The following TMOD3 variants were observed in gnomAD, a reference collection of about 807,000 sequenced individuals.
TMOD3 encodes tropomodulin 3.
In TMOD3, 20 loss-of-function variants were observed where a neutral mutation model predicts 39.2. The observed-to-expected ratio is 0.51, with a 90% CI of 0.36 to 0.74. The LOEUF (loss-of-function observed/expected upper bound fraction) is 0.74. Ranked by LOEUF, TMOD3 falls within the 30% of genes least tolerant of loss-of-function variation. TMOD3 has a pLI of 0.00. For synonymous variants in TMOD3, 143 were observed against 145.8 expected, an observed-to-expected ratio of 0.98 and a Z score of 0.14; for missense variants, 381 against 412.8, an observed-to-expected ratio of 0.92 and a Z score of 0.67.
chr15:51,851,954 G>C (rs1449934986), intron 1 of TMOD3, among the ~76,000 whole-genome samples: 1 of 152,110 alleles, frequency 6.6e-6, no homozygotes, highest in African/African-American at 2.4e-5. Flanking sequence ...TTTCAGAACA[G>C]TCCTTCTGAA....
chr15:51,862,703 A>G (rs2056425175), intron 1 of TMOD3, 108 bp from the exon 2 acceptor site: 3 of 419,832 alleles, frequency 7.1e-6, no homozygotes, highest in Non-Finnish European at 1.2e-5. Context: ...ATATGTGATC[A>G]AAGAATATAT....
chr15:51,856,402 C>T (rs1384717952), intron 1 of TMOD3, among the ~76,000 whole-genome samples: 1 of 152,142 alleles, frequency 6.6e-6, no homozygotes, highest in East Asian at 1.9e-4. Flanking sequence ...TGCCTCATGG[C>T]AAAATTCTAT....
At chr15:51,865,737 T>G (rs1270176218) in intron 2 of TMOD3, among the ~76,000 whole-genome samples, 3 of 152,146 alleles carry the variant, frequency 2.0e-5, no homozygotes, top group Admixed American at 2.0e-4. Context: ...TCAAGGGTAG[T>G]AGCAGCTACT....
chr15:51,857,641 ATAAT>A (rs1257070267), intron 1 of TMOD3, among the ~76,000 whole-genome samples: 1 of 152,222 alleles, frequency 6.6e-6, no homozygotes, highest in African/African-American at 2.4e-5. Context: ...GATGCATAAA[ATAAT>A]TAAACTTATA....
rs540120253 is a variant in TMOD3, at chr15:51,891,829, C to CA, written c.497-1985dup. On this transcript the variant is annotated intron_variant, in intron 5 of 9. Coordinates refer to ENST00000308580, the MANE Select transcript of TMOD3 (RefSeq NM_014547.5). ...CACTCTCTGTTGTTTAGCAGAGCTC[C>CA]ATTAGGAAGCTTTTCCTTGTCTTGA... 2.4e-4 allele frequency among the ~76,000 whole-genome samples: 37 copies of CA among 152,292 alleles called. No individual in the cohort carries two copies. In the East Asian group the frequency reaches 5.0e-3, roughly 21 times the overall value.
At chr15:51,838,424 A>G (rs866904626) in intron 1 of TMOD3, among the ~76,000 whole-genome samples, 3 of 152,138 alleles carry the variant, frequency 2.0e-5, no homozygotes, top group Middle Eastern at 3.2e-3. Context: ...CACTTAAGCT[A>G]TCTTGCTAGA....
chr15:51,889,045 T>A lies in TMOD3; in HGVS notation c.407-11T>A, dbSNP rs751267409. On this transcript the variant is annotated splice_polypyrimidine_tract_variant and intron_variant, in intron 4 of 9. Coordinates refer to ENST00000308580, the MANE Select transcript of TMOD3 (RefSeq NM_014547.5). ...TAAAACAATAAAAACTTTCTTTTTC[T>A]GTATTTATAGCAATTCTTGGGATGC... 5.8e-6 allele frequency: 9 copies of A among 1,542,220 alleles called. No homozygotes were observed. The highest frequency in any genetic ancestry group is 7.9e-6 in the Non-Finnish European group (9 of 1,140,068).
At chr15:51,886,997 T>C (rs2623260) in intron 3 of TMOD3, among the ~76,000 whole-genome samples, 7,424 of 152,126 alleles carry the variant, frequency 0.049, 419 homozygotes, top group African/African-American at 0.12. Flanking sequence ...GGCGAGTGGA[T>C]CACCTTAGGT....
At chr15:51,830,419 C>T (rs1235720561) in intron 1 of TMOD3, among the ~76,000 whole-genome samples, 2 of 152,180 alleles carry the variant, frequency 1.3e-5, no homozygotes, top group Non-Finnish European at 2.9e-5. Context: ...GTTTTGAGGA[C>T]GTGACTGTGT....
chr15:51,859,528 C>G (rs1244170099), intron 1 of TMOD3: 1 of 628,426 alleles, frequency 1.6e-6, no homozygotes, highest in African/African-American at 1.8e-5. Flanking sequence ...TGTTGATAAG[C>G]CCAATCCAGG....
chr15:51,862,710 A>T, intron 1 of TMOD3, 101 bp from the exon 2 acceptor site: 2 of 469,458 alleles, frequency 4.3e-6, no homozygotes, highest in South Asian at 8.5e-5. Context: ...ATCAAAGAAT[A>T]TATGACACAT....
chr15:51,880,536 T>A (rs1405382119), intron 3 of TMOD3, among the ~76,000 whole-genome samples: 1 of 152,156 alleles, frequency 6.6e-6, no homozygotes, highest in African/African-American at 2.4e-5. Flanking sequence ...TAAGCAACTT[T>A]CTTTCTGGAT....
At chr15:51,893,111 C>G (rs1232583860) in intron 5 of TMOD3, among the ~76,000 whole-genome samples, 1 of 151,006 alleles carries the variant, frequency 6.6e-6, no homozygotes, top group African/African-American at 2.4e-5. Context: ...ACCTGGCCAA[C>G]ATGACGAAAC....
intron 1 of TMOD3, among the ~76,000 whole-genome samples, chr15:51,831,320 C>A (rs1449698784): frequency 6.6e-6 from 1 of 152,064 alleles, no homozygotes; most frequent in Non-Finnish European, 1.5e-5. Flanking sequence ...AGGTCAAATC[C>A]CATTCAAAGA....
chr15:51,845,976 T>C (rs1023671522), intron 1 of TMOD3, among the ~76,000 whole-genome samples: 3 of 152,100 alleles, frequency 2.0e-5, no homozygotes, highest in Admixed American at 6.6e-5. Flanking sequence ...TTAAAAACTT[T>C]TAAAAATCTA....
At chr15:51,873,853 C>G (rs1282728746) in intron 3 of TMOD3, among the ~76,000 whole-genome samples, 2 of 152,078 alleles carry the variant, frequency 1.3e-5, no homozygotes, top group East Asian at 3.9e-4. Context: ...AACTCCTGAC[C>G]TCAGGTGATC....
intron 1 of TMOD3, among the ~76,000 whole-genome samples, chr15:51,848,978 A>G (rs752180980): frequency 1.3e-5 from 2 of 152,214 alleles, no homozygotes; most frequent in Admixed American, 6.5e-5. Context: ...AAGTATGACT[A>G]TGATTGGCTG....
At chr15:51,867,196 G>T (rs961192281) in intron 2 of TMOD3, among the ~76,000 whole-genome samples, 2 of 152,180 alleles carry the variant, frequency 1.3e-5, no homozygotes, top group African/African-American at 4.8e-5. Flanking sequence ...TGATCCAGGT[G>T]GGAAGCTAAT....
chr15:51,863,128 T>C (rs1001203810), intron 2 of TMOD3, 118 bp downstream of exon 2: 9 of 1,026,846 alleles, frequency 8.8e-6, no homozygotes, highest in Non-Finnish European at 1.3e-5. Flanking sequence ...TCCTCCACTT[T>C]ATCCAAATCA....
Sources: gnomAD v4.1 joint callset for allele counts (sites outside exome capture counted in the v4.1 genomes callset) on GRCh38, gnomAD v4.1.1 for gene constraint, MANE v1.5 for transcripts, NCBI Gene and HGNC (gene_info 2026-07-23, HGNC 2026-07-21) for gene names.